The following WFDC1 variants were observed in gnomAD, a reference collection of about 807,000 sequenced individuals.
WFDC1 encodes WAP four-disulfide core domain protein 1.
In WFDC1, 39 loss-of-function variants were observed where a neutral mutation model predicts 32.9. That is an observed-to-expected ratio of 1.19 (90% CI 0.92 to 1.55). The LOEUF (loss-of-function observed/expected upper bound fraction) is 1.55, where lower values mean the gene tolerates loss of function less well. Among genes scored for constraint, WFDC1 ranks in the 40% most tolerant of loss-of-function variants. The probability of loss-of-function intolerance (pLI) is 0.00; values close to 1 mark genes in which losing one functional copy is unlikely to be tolerated. For synonymous variants in WFDC1, 184 were observed against 137.4 expected, an observed-to-expected ratio of 1.34 and a Z score of -2.37; for missense variants, 386 against 309.5, an observed-to-expected ratio of 1.25 and a Z score of -1.85.
intron 1 of WFDC1, among the ~76,000 whole-genome samples, chr16:84,304,367 T>C (rs1440431405): frequency 7.9e-5 from 12 of 152,308 alleles, no homozygotes; most frequent in Non-Finnish European, 4.4e-5. Flanking sequence ...TAGCTGGGAT[T>C]ATAGGCACCC....
chr16:84,319,449 C>T lies in WFDC1; in HGVS notation c.440C>T (p.Thr147Met), dbSNP rs141305670. The change falls in exon 4 of 7, where the codon ACG becomes ATG. Residue 147 changes from threonine (T) to methionine (M), a missense_variant. Physicochemically the swap from Thr to Met is moderately conservative, Grantham distance 81. Transcript: ENST00000219454. Reference protein sequence around the residue: ...EVLQAEACSTTEDGAEPLLCP... With the variant: ...EVLQAEACSTMEDGAEPLLCP... ...CCTGCAGCAGAGGCGTGCAGCACCA[C>T]GGAGGATGGGGCCGAACCCCTGCTC... 3.1e-4 allele frequency: 500 copies of T among 1,611,134 alleles called. No individual in the cohort carries two copies. The highest frequency in any genetic ancestry group is 3.8e-4 in the Non-Finnish European group (453 of 1,179,922).
At chr16:84,317,015 G>C in intron 2 of WFDC1, 1 of 151,456 alleles carries the variant, frequency 6.6e-6, no homozygotes, top group Non-Finnish European at 1.5e-5. Flanking sequence ...CTTACAGTCC[G>C]GGTGCAGTGG....
At chr16:84,328,398 G>A (rs894479700) in intron 6 of WFDC1, 1 of 152,236 alleles carries the variant, frequency 6.6e-6, no homozygotes, top group African/African-American at 2.4e-5. Context: ...AGGGCAAAAA[G>A]GAGCCCCTAA....
chr16:84,326,277 GAT>G (rs1567665956), intron 5 of WFDC1: 1 of 152,098 alleles, frequency 6.6e-6, no homozygotes, highest in African/African-American at 2.4e-5. Flanking sequence ...CCATCCATCT[GAT>G]ATGTCTTTAT....
At chr16:84,311,176 C>T (rs1480912431) in intron 1 of WFDC1, among the ~76,000 whole-genome samples, 3 of 151,816 alleles carry the variant, frequency 2.0e-5, no homozygotes, top group Admixed American at 6.6e-5. Flanking sequence ...TAAACTTTCT[C>T]GGTCTTACCT....
chr16:84,299,474 T>C lies in WFDC1; in HGVS notation c.144+4359T>C, dbSNP rs921221361. 5.9e-5 allele frequency among the ~76,000 whole-genome samples: 9 copies of C among 152,226 alleles called. No individual in the cohort carries two copies. The South Asian group carries it at 1.0e-3, about 18-fold the overall frequency. On this transcript the variant is annotated intron_variant, in intron 1 of 6. Coordinates refer to ENST00000219454, the MANE Select transcript of WFDC1 (RefSeq NM_021197.4). ...AGCAGAACGTTTGTAAATAGTCCAATAACCTTTCCATGGAGCTCAGTCGGT... is the reference window on the plus strand; with the variant it reads ...AGCAGAACGTTTGTAAATAGTCCAACAACCTTTCCATGGAGCTCAGTCGGT...
intron 1 of WFDC1, among the ~76,000 whole-genome samples, chr16:84,302,839 C>T (rs755463793): frequency 2.6e-5 from 4 of 152,062 alleles, no homozygotes; most frequent in Non-Finnish European, 5.9e-5. Context: ...GCCCAGCGCC[C>T]GAAACCCAGT....
intron 4 of WFDC1, among the ~76,000 whole-genome samples, chr16:84,320,788 C>A (rs1908262228): frequency 6.6e-6 from 1 of 152,104 alleles, no homozygotes; most frequent in South Asian, 2.1e-4. Flanking sequence ...AGGACAGGAC[C>A]CTCAGACAAG....
At chr16:84,326,066 CATCCATCCATAT>C (rs1908577757) in intron 5 of WFDC1, 1 of 150,340 alleles carries the variant, frequency 6.7e-6, no homozygotes, top group Non-Finnish European at 1.5e-5. Flanking sequence ...TCCATCTATC[CATCCATCCATAT>C]ATCCATCCGT....
In WFDC1 at chr16:84,313,096, C is replaced by A; in HGVS notation, c.280C>A (p.Arg94Ser). ...GGACTCCGAGTGCCCGCGGCACCGG[C>A]GCTGCTGCTACAACGGATGCGCCTA... is the stretch of plus-strand genomic sequence containing the variant. ...QADSECPRHR[R>S]CCYNGCAYAC... The change falls in exon 2 of 7, where the codon CGC (arginine) becomes AGC (serine). Residue 94 changes from arginine (R) to serine (S), a missense_variant. By Grantham distance (110) the Arg-to-Ser change is moderately radical. Coordinates refer to ENST00000219454, the MANE Select transcript of WFDC1 (RefSeq NM_021197.4). 7.0e-7 allele frequency: 1 copy of A among 1,436,668 alleles called. No homozygotes were observed. The highest frequency in any genetic ancestry group is 9.1e-7 in the Non-Finnish European group (1 of 1,100,934). 89.0% of individuals were successfully genotyped at this position (1,436,668 alleles called of 1,614,324 possible).
chr16:84,312,975 CGCGCCCGGCG>C lies in WFDC1; in HGVS notation c.162_171del (p.Gly57SerfsTer46), dbSNP rs1907725669. ...TCTCCCCGCAGGCCGAGGAGGCGGG[CGCGCCCGGCG>C]GCCCCCGGCAGCCCCGAGCAGACCG... On this transcript the variant is annotated frameshift_variant, in exon 2 of 7. Coordinates refer to ENST00000219454, the MANE Select transcript of WFDC1 (RefSeq NM_021197.4). LOFTEE classifies it high-confidence loss of function. The C allele has an allele frequency of 6.0e-6, 7 of 1,165,494 alleles. No individual in the cohort carries two copies. Among genetic ancestry groups the C allele is most frequent in the Non-Finnish European group, 6.3e-6 (6 of 946,208 alleles). 72.2% of individuals were successfully genotyped at this position (1,165,494 alleles called of 1,614,324 possible).
chr16:84,322,145 CTGTGTGTGTGTGTGCG>C (rs1908336340), intron 4 of WFDC1, among the ~76,000 whole-genome samples: 4 of 109,336 alleles, frequency 3.7e-5, no homozygotes, highest in Admixed American at 8.5e-5. Context: ...GCCTCAGAGC[CTGTGTGTGTGTGTGCG>C]TGTGTGTGTG....
chr16:84,328,897 G>A (rs920668710), intron 6 of WFDC1: 1 of 151,856 alleles, frequency 6.6e-6, no homozygotes, highest in East Asian at 1.9e-4. Flanking sequence ...AGGCTGCAGT[G>A]AGCCATGTTT....
chr16:84,300,814 A>G (rs965638025), intron 1 of WFDC1, among the ~76,000 whole-genome samples: 1 of 152,178 alleles, frequency 6.6e-6, no homozygotes, highest in Non-Finnish European at 1.5e-5. Context: ...TACTAAAAAT[A>G]CAAACATTAG....
intron 1 of WFDC1, among the ~76,000 whole-genome samples, chr16:84,310,107 C>T (rs1287842667): frequency 6.6e-6 from 1 of 152,028 alleles, no homozygotes; most frequent in Non-Finnish European, 1.5e-5. Flanking sequence ...AGGCTCGAGG[C>T]CCTCCCTTGA....
intron 4 of WFDC1, among the ~76,000 whole-genome samples, chr16:84,321,474 T>C (rs1223849739): frequency 2.6e-5 from 4 of 152,184 alleles, no homozygotes; most frequent in Non-Finnish European, 5.9e-5. Context: ...GTGAGTTCGT[T>C]GGGCTATGCC....
At position 84,307,182 on chromosome 16, in the gene WFDC1, C is replaced by T. The variant is rs553980505; in HGVS notation, c.145-5779C>T. On this transcript the variant is annotated intron_variant, in intron 1 of 6. Coordinates refer to ENST00000219454, the MANE Select transcript of WFDC1 (RefSeq NM_021197.4). ...AGGGGAGTCAATTCCAGTCCGACCT[C>T]TAGGCCAAGAACCTTGGCTGTTAAC... 5.3e-5 allele frequency among the ~76,000 whole-genome samples: 8 copies of T among 152,256 alleles called. No individual in the cohort carries two copies. In the East Asian group the frequency reaches 1.5e-3, roughly 29 times the overall value.
intron 3 of WFDC1, 73 bp from the exon 4 acceptor site, chr16:84,319,356 TGC>T: frequency 1.3e-6 from 2 of 1,559,834 alleles, no homozygotes; most frequent in Non-Finnish European, 1.7e-6. Flanking sequence ...CCCGGGAGTC[TGC>T]CTTCTAGACC....
At chr16:84,311,227 T>C (rs62050689) in intron 1 of WFDC1, among the ~76,000 whole-genome samples, 3,455 of 146,402 alleles carry the variant, frequency 0.024, 124 homozygotes, top group African/African-American at 0.082. Context: ...CATATTCCTA[T>C]ATGTTAAGTA....
Sources: gnomAD v4.1 joint callset for allele counts (sites outside exome capture counted in the v4.1 genomes callset) on GRCh38, gnomAD v4.1.1 for gene constraint, MANE v1.5 for transcripts, NCBI Gene and HGNC (gene_info 2026-07-23, HGNC 2026-07-21) for gene names.